Variants in DLGAP1 observed in about 807,000 individuals in gnomAD.
DLGAP1 encodes the protein DLG associated protein 1, also known as disks large-associated protein 1.
Under a neutral mutation model 90.8 loss-of-function variants are expected in DLGAP1, and 11 were observed. That is an observed-to-expected ratio of 0.12 (90% CI 0.08 to 0.20). DLGAP1 has a LOEUF of 0.20. DLGAP1 is among the 10% of genes least tolerant of loss of function. The pLI is 1.00. For synonymous variants in DLGAP1, 558 were observed against 540.7 expected (o/e 1.03, Z -0.44); for missense variants, 1,050 against 1,333.8 (o/e 0.79, Z 3.31).
intron 1 of DLGAP1, among the ~76,000 whole-genome samples, chr18:4,239,077 C>T (rs537650623): frequency 6.6e-6 from 1 of 152,282 alleles, no homozygotes; most frequent in South Asian, 2.1e-4. Context: ...TTGTGCAGTG[C>T]ACAACTTCAG....
chr18:3,795,991 C>G (rs974490652), intron 5 of DLGAP1, among the ~76,000 whole-genome samples: 1 of 152,040 alleles, frequency 6.6e-6, no homozygotes, highest in African/African-American at 2.4e-5. Flanking sequence ...AGATGCTATC[C>G]GATGGTCAAA....
At chr18:4,163,823 C>T (rs963032291) in intron 1 of DLGAP1, among the ~76,000 whole-genome samples, 1 of 152,188 alleles carries the variant, frequency 6.6e-6, no homozygotes, top group Non-Finnish European at 1.5e-5. Flanking sequence ...CTGCACCTCT[C>T]TTTTCCATTT....
rs759238167 is a variant in DLGAP1 at position 3,526,369 on chromosome 18, A to T, written c.2479+7825T>A. 2.2e-4 allele frequency among the ~76,000 whole-genome samples: 33 copies of T among 152,200 alleles called. No individual in the cohort carries two copies. The highest frequency in any genetic ancestry group is 4.3e-4 in the Non-Finnish European group (29 of 68,028). On this transcript the variant is annotated intron_variant, in intron 10 of 12. Transcript: ENST00000315677. The surrounding 1 kb of genome is among the most constrained non-coding windows in gnomAD (Gnocchi z 4.7). ...TGGGTGATGGCACCGATAGACCATCACAATGACTGTGCACAGTTTCCGTAA... is the reference window on the plus strand; with the variant it reads ...TGGGTGATGGCACCGATAGACCATCTCAATGACTGTGCACAGTTTCCGTAA...
At chr18:4,192,789 T>C (rs1443724541) in intron 1 of DLGAP1, among the ~76,000 whole-genome samples, 3 of 152,250 alleles carry the variant, frequency 2.0e-5, no homozygotes, top group African/African-American at 4.8e-5. Flanking sequence ...AGGTTAGAGC[T>C]GTAAGGAGAT....
intron 2 of DLGAP1, among the ~76,000 whole-genome samples, chr18:4,032,824 C>A (rs1283904953): frequency 6.6e-6 from 1 of 152,120 alleles, no homozygotes; most frequent in African/African-American, 2.4e-5. Flanking sequence ...AGAGTGCAAA[C>A]CTCTCTGTCT....
chr18:4,055,782 C>T (rs1445387845), intron 2 of DLGAP1, among the ~76,000 whole-genome samples: 3 of 152,152 alleles, frequency 2.0e-5, no homozygotes, highest in Non-Finnish European at 4.4e-5. Flanking sequence ...CCCCATGTCC[C>T]TGTGCCATCA....
chr18:4,036,951 C>T (rs927280992), intron 2 of DLGAP1, among the ~76,000 whole-genome samples: 1 of 152,194 alleles, frequency 6.6e-6, no homozygotes, highest in African/African-American at 2.4e-5. Context: ...TGCCATGAAA[C>T]TGCTTTTGCC....
intron 1 of DLGAP1, among the ~76,000 whole-genome samples, chr18:4,334,171 G>A (rs2081017517): frequency 6.6e-6 from 1 of 151,654 alleles, no homozygotes; most frequent in Non-Finnish European, 1.5e-5. Context: ...CCGGGAGGCA[G>A]AGGTTGTGGT....
At chr18:4,248,578 A>AG (rs900817665) in intron 1 of DLGAP1, 3 of 152,224 alleles carry the variant, frequency 2.0e-5, no homozygotes, top group Non-Finnish European at 4.4e-5. Flanking sequence ...CCATGACTGT[A>AG]GACAAAGCGA....
intron 2 of DLGAP1, among the ~76,000 whole-genome samples, chr18:4,087,628 T>C (rs1386808693): frequency 1.3e-5 from 2 of 152,200 alleles, no homozygotes; most frequent in Non-Finnish European, 2.9e-5. Context: ...CACAACTCTA[T>C]ATTTCTGCAT....
At chr18:4,000,488 T>A (rs956399522) in intron 3 of DLGAP1, among the ~76,000 whole-genome samples, 1 of 152,212 alleles carries the variant, frequency 6.6e-6, no homozygotes, top group Non-Finnish European at 1.5e-5. Flanking sequence ...ACAGGCATTA[T>A]GAGTTATACA....
intron 5 of DLGAP1, among the ~76,000 whole-genome samples, chr18:3,752,962 G>C (rs1429619850): frequency 6.6e-6 from 1 of 151,774 alleles, no homozygotes; most frequent in South Asian, 2.1e-4. Flanking sequence ...TATTTTTTTG[G>C]CTATTATGAA....
intron 3 of DLGAP1, among the ~76,000 whole-genome samples, chr18:3,935,289 A>G (rs1272811732): frequency 2.0e-5 from 3 of 152,234 alleles, no homozygotes; most frequent in Non-Finnish European, 4.4e-5. Flanking sequence ...AAATAAATGG[A>G]AAAACACTCT....
At position 3,526,879 on chromosome 18, in the gene DLGAP1, T is replaced by C. The variant is rs1057254359; in HGVS notation, c.2479+7315A>G. 2.6e-5 allele frequency among the ~76,000 whole-genome samples: 4 copies of C among 152,138 alleles called. No individual in the cohort carries two copies. Among genetic ancestry groups the C allele is most frequent in the Admixed American group, 6.5e-5 (1 of 15,276 alleles). On this transcript the variant is annotated intron_variant, in intron 10 of 12. Coordinates refer to ENST00000315677, the MANE Select transcript of DLGAP1 (RefSeq NM_004746.4). This position sits in a 1 kb window ranked among gnomAD's most constrained non-coding sequence, Gnocchi z 4.7. Reference sequence around the variant, plus strand: ...AAGGGCTTCATTGTCTGAGAAGAGCTCGTATCATTTTACTTCAAGTGCTGC... The same window carrying C: ...AAGGGCTTCATTGTCTGAGAAGAGCCCGTATCATTTTACTTCAAGTGCTGC...
chr18:4,362,350 G>T (rs1226679373), intron 1 of DLGAP1, among the ~76,000 whole-genome samples: 2 of 152,124 alleles, frequency 1.3e-5, no homozygotes, highest in East Asian at 1.9e-4. Context: ...CATCGATGGA[G>T]GAATGGATAA....
At chr18:4,019,615 T>C (rs1363846558) in intron 2 of DLGAP1, among the ~76,000 whole-genome samples, 2 of 146,336 alleles carry the variant, frequency 1.4e-5, no homozygotes, top group Non-Finnish European at 3.0e-5. Flanking sequence ...TTCTGTAGCT[T>C]AAGATAGTCA....
intron 5 of DLGAP1, among the ~76,000 whole-genome samples, chr18:3,772,364 CTTT>C (rs2064682306): frequency 6.8e-4 from 7 of 10,314 alleles, no homozygotes; most frequent in South Asian, 3.8e-3. Flanking sequence ...TTCTTTCTTT[CTTT>C]CTTTCTTTCT....
intron 4 of DLGAP1, among the ~76,000 whole-genome samples, chr18:3,859,510 T>C (rs557099373): frequency 6.6e-6 from 1 of 152,222 alleles, no homozygotes; most frequent in East Asian, 1.9e-4. Flanking sequence ...GGTCTTGAGA[T>C]GGGGAGATTG....
In DLGAP1 at chr18:3,499,528, C is replaced by CAG; in HGVS notation, c.2725-135_2725-134insCT. On this transcript the variant is annotated intron_variant, in intron 12 of 12. Transcript: ENST00000315677. The surrounding 1 kb of genome is among the most constrained non-coding windows in gnomAD (Gnocchi z 6.4). ...TAGTTCTGATCTGCACACTGCATAT[C>CAG]TACTTTTTTCTTCATTATTCTGGCT... 1.2e-6 allele frequency: 1 copy of CAG among 847,488 alleles called. No individual in the cohort carries two copies. The highest frequency in any genetic ancestry group is 1.8e-6 in the Non-Finnish European group (1 of 568,268). The allele number at this position is 847,488 out of a possible 1,614,324, so 52.5% of individuals were successfully genotyped here.
Sources: allele counts gnomAD v4.1 joint callset (sites outside exome capture counted in the v4.1 genomes callset), GRCh38; gene constraint gnomAD v4.1.1; non-coding constraint Gnocchi (gnomAD v3.1); transcripts MANE v1.5; gene names NCBI Gene and HGNC (gene_info 2026-07-23, HGNC 2026-07-21).